The following PIP4P2 variants were observed in gnomAD, a reference collection of about 807,000 sequenced individuals.
PIP4P2 encodes the protein type 2 phosphatidylinositol 4,5-bisphosphate 4-phosphatase.
Under a neutral mutation model 33.3 loss-of-function variants are expected in PIP4P2, and 19 were observed. That is an observed-to-expected ratio of 0.57 (90% CI 0.40 to 0.84). PIP4P2 has a LOEUF of 0.84. Ranked by LOEUF, PIP4P2 falls within the 40% of genes least tolerant of loss-of-function variation. The pLI, the probability that PIP4P2 is intolerant of heterozygous loss-of-function variation, is 0.00. For missense variants in PIP4P2, 270 were observed against 324.7 expected (o/e 0.83, Z 1.29); for synonymous variants, 110 against 111.9 (o/e 0.98, Z 0.11).
At chr8:91,003,390 T>C (rs979156882) in intron 5 of PIP4P2, among the ~76,000 whole-genome samples, 2 of 152,290 alleles carry the variant, frequency 1.3e-5, no homozygotes, top group Non-Finnish European at 1.5e-5. Context: ...AGGGACATAA[T>C]TGATAGGATA....
chr8:91,037,094 T>A (rs1458294598), intron 1 of PIP4P2, among the ~76,000 whole-genome samples: 1 of 152,190 alleles, frequency 6.6e-6, no homozygotes, highest in Non-Finnish European at 1.5e-5. Context: ...TCCAAAGTCA[T>A]TCAGCATATT....
rs751280548 is a variant in PIP4P2 at position 90,995,639 on chromosome 8, T to G, written c.*38A>C. 3 of 1,591,712 alleles carry G rather than the reference T, an allele frequency of 1.9e-6. No homozygotes were observed. The highest frequency in any genetic ancestry group is 4.5e-5 in the East Asian group (2 of 44,612). On this transcript the variant is annotated 3_prime_UTR_variant, in exon 7 of 7. Transcript: ENST00000285419. ...TCCAGAGTAGCTTACCAAGAACTGC[T>G]AGACACTCTCACCTGCATTACTGAA...
chr8:91,039,288 A>G (rs147776434), intron 1 of PIP4P2, among the ~76,000 whole-genome samples: 2 of 152,318 alleles, frequency 1.3e-5, no homozygotes, highest in African/African-American at 4.8e-5. Flanking sequence ...CTCTGATACA[A>G]GTTTAATGCT....
chr8:91,002,460 G>A (rs1022411990), intron 5 of PIP4P2, among the ~76,000 whole-genome samples: 6 of 152,106 alleles, frequency 3.9e-5, no homozygotes, highest in Admixed American at 3.9e-4. Flanking sequence ...AGAACACCTG[G>A]AAAATGGTAG....
At chr8:91,017,307 G>A (rs1293395800) in intron 4 of PIP4P2, among the ~76,000 whole-genome samples, 1 of 152,126 alleles carries the variant, frequency 6.6e-6, no homozygotes, top group Non-Finnish European at 1.5e-5. Context: ...GCTGTGGCAG[G>A]AGAATTGCTT....
intron 6 of PIP4P2, 85 bp downstream of exon 6, chr8:90,996,569 A>T (rs1811631808): frequency 8.9e-7 from 1 of 1,123,030 alleles, no homozygotes; most frequent in Non-Finnish European, 1.3e-6. Context: ...CTCTTCAGGA[A>T]TCCCTGAAGG....
intron 1 of PIP4P2, among the ~76,000 whole-genome samples, chr8:91,029,192 G>T (rs1258940115): frequency 1.3e-5 from 2 of 152,056 alleles, no homozygotes; most frequent in African/African-American, 2.4e-5. Flanking sequence ...TCGGGAGGCT[G>T]AGGCAGGAGA....
intron 5 of PIP4P2, among the ~76,000 whole-genome samples, chr8:91,004,379 A>C (rs1340448590): frequency 2.0e-5 from 3 of 151,912 alleles, no homozygotes; most frequent in African/African-American, 2.4e-5. Flanking sequence ...TTGAGGGCAG[A>C]TCTTCTCCAT....
chr8:90,994,039 A>G lies in PIP4P2; in HGVS notation c.*1638T>C, dbSNP rs1163710527. On this transcript the variant is annotated 3_prime_UTR_variant, in exon 7 of 7. Transcript: ENST00000285419. ...TTATTCAGTATACAATGCTGTTACA[A>G]CTAGTTAACCATTAGGAAAAGAAGT... 2.0e-5 allele frequency: 3 copies of G among 152,198 alleles called. No individual in the cohort carries two copies. The highest frequency in any genetic ancestry group is 4.8e-5 in the African/African-American group (2 of 41,458). 9.4% of individuals were successfully genotyped at this position (152,198 alleles called of 1,614,324 possible). A position where few individuals can be genotyped will look rare whatever the true frequency, so the allele number is the denominator to read the frequency against.
At chr8:91,016,550 G>C (rs141942499) in intron 4 of PIP4P2, 3 of 152,306 alleles carry the variant, frequency 2.0e-5, no homozygotes, top group Non-Finnish European at 4.4e-5. Context: ...TGGCAACCTA[G>C]AATTGCACAT....
chr8:91,022,094 T>TA (rs1253237704), intron 1 of PIP4P2, among the ~76,000 whole-genome samples: 5 of 152,098 alleles, frequency 3.3e-5, no homozygotes, highest in Admixed American at 6.6e-5. Flanking sequence ...TGTTTATGAG[T>TA]AAAAAAATGT....
chr8:90,995,758 A>T lies in PIP4P2; in HGVS notation c.693T>A (p.Tyr231Ter). The change falls in exon 7 of 7, where the codon TAT becomes TAA. Residue 231 changes from tyrosine to a stop codon, truncating the protein, a stop_gained. Transcript: ENST00000285419. LOFTEE classifies it high-confidence loss of function. ...GGATAAGGCAGATCAATCCTAGGAGATAAGCAATTGCCCAAGAAACATAGG... is the reference window on the plus strand; with the variant it reads ...GGATAAGGCAGATCAATCCTAGGAGTTAAGCAATTGCCCAAGAAACATAGG... The part of the protein sequence containing the change: ...RATYVSWAIA[Y>*]LLGLICLIRA... 1 of 1,613,404 alleles carries T rather than the reference A, an allele frequency of 6.2e-7. No individual in the cohort carries two copies. Among genetic ancestry groups the T allele is most frequent in the Non-Finnish European group, 8.5e-7 (1 of 1,179,626 alleles).
At chr8:91,032,457 C>G (rs962333051) in intron 1 of PIP4P2, among the ~76,000 whole-genome samples, 1 of 151,848 alleles carries the variant, frequency 6.6e-6, no homozygotes, top group Non-Finnish European at 1.5e-5. Flanking sequence ...AATGCCATTC[C>G]CAATTTATTG....
intron 1 of PIP4P2, among the ~76,000 whole-genome samples, chr8:91,032,371 C>G (rs752932743): frequency 2.0e-5 from 3 of 152,100 alleles, no homozygotes; most frequent in Non-Finnish European, 4.4e-5. Context: ...AAAAATTTTT[C>G]TAAAAAAGCA....
chr8:90,997,071 C>T (rs1465030721), intron 5 of PIP4P2, among the ~76,000 whole-genome samples: 1 of 151,854 alleles, frequency 6.6e-6, no homozygotes, highest in Non-Finnish European at 1.5e-5. Context: ...GGAAAAACAG[C>T]TATCTTACAA....
chr8:91,028,099 A>C (rs1458577124), intron 1 of PIP4P2, among the ~76,000 whole-genome samples: 2 of 152,204 alleles, frequency 1.3e-5, no homozygotes, highest in South Asian at 4.1e-4. Flanking sequence ...TTATTGCAAG[A>C]AGAAGTAGTG....
chr8:91,028,002 G>A (rs1319047514), intron 1 of PIP4P2, among the ~76,000 whole-genome samples: 12 of 152,182 alleles, frequency 7.9e-5, no homozygotes, highest in Admixed American at 7.9e-4. Context: ...CCATTGAGAT[G>A]TGCTGCCTGA....
chr8:91,005,395 T>C (rs1160348261), intron 5 of PIP4P2, among the ~76,000 whole-genome samples: 1 of 152,180 alleles, frequency 6.6e-6, no homozygotes, highest in Non-Finnish European at 1.5e-5. Flanking sequence ...TCATCTTTTA[T>C]AACTTAGTTC....
chr8:91,003,948 G>GAGAT (rs74275339), intron 5 of PIP4P2, among the ~76,000 whole-genome samples: 19,104 of 138,010 alleles, frequency 0.14, 1,426 homozygotes, highest in South Asian at 0.16. Context: ...GAACCAACAG[G>GAGAT]AGATAGATAG....
Sources: gnomAD v4.1 joint callset for allele counts (sites outside exome capture counted in the v4.1 genomes callset) on GRCh38, gnomAD v4.1.1 for gene constraint, MANE v1.5 for transcripts, NCBI Gene and HGNC (gene_info 2026-07-23, HGNC 2026-07-21) for gene names.